NF1: variants seen among roughly 807,000 people sequenced by gnomAD.
NF1 encodes neurofibromin.
Under a neutral mutation model 325.7 loss-of-function variants are expected in NF1, and 122 were observed. That is an observed-to-expected ratio of 0.37 (90% CI 0.32 to 0.44). The LOEUF (loss-of-function observed/expected upper bound fraction) is 0.44, where lower values mean the gene tolerates loss of function less well. Ranked by LOEUF, NF1 falls within the 20% of genes least tolerant of loss-of-function variation. The pLI, the probability that NF1 is intolerant of heterozygous loss-of-function variation, is 1.00. For synonymous variants in NF1, 1,091 were observed against 1,186.0 expected, an observed-to-expected ratio of 0.92 and a Z score of 1.65; for missense variants, 2,140 against 3,415.4, an observed-to-expected ratio of 0.63 and a Z score of 9.31.
intron 36 of NF1, among the ~76,000 whole-genome samples, chr17:31,288,688 C>T (rs1014362731): frequency 1.3e-5 from 2 of 151,832 alleles, no homozygotes; most frequent in Admixed American, 1.3e-4. Flanking sequence ...AGGTGCCTGC[C>T]CAGCTAATTT....
intron 1 of NF1, among the ~76,000 whole-genome samples, chr17:31,117,614 A>C (rs968431187): frequency 2.1e-4 from 29 of 134,954 alleles, no homozygotes; most frequent in African/African-American, 6.3e-4. Flanking sequence ...CGGAGCTTGC[A>C]GTGAGCCAAG....
intron 17 of NF1, among the ~76,000 whole-genome samples, chr17:31,225,521 T>TA (rs1008309560): frequency 1.3e-5 from 2 of 152,168 alleles, no homozygotes; most frequent in Non-Finnish European, 2.9e-5. Flanking sequence ...ACTTGACACT[T>TA]ACAAGCTATA....
At chr17:31,241,475 A>G (rs960000472) in intron 29 of NF1, among the ~76,000 whole-genome samples, 1 of 151,978 alleles carries the variant, frequency 6.6e-6, no homozygotes, top group Admixed American at 6.6e-5. Context: ...CACAGATGAT[A>G]TGTGTTAATT....
At chr17:31,230,198 T>G (rs1567849713) in intron 22 of NF1, 62 bp from the exon 23 acceptor site, 1 of 1,571,156 alleles carries the variant, frequency 6.4e-7, no homozygotes, top group Non-Finnish European at 8.7e-7. Flanking sequence ...ACTAAAGTAT[T>G]TAGAATGCCT....
chr17:31,261,878 A>T (rs1293856873), intron 35 of NF1, 21 bp downstream of exon 35: 1 of 1,612,220 alleles, frequency 6.2e-7, no homozygotes, highest in Non-Finnish European at 8.5e-7. Context: ...ACCTTGAAAT[A>T]GTTGATTGCT....
intron 33 of NF1, 84 bp from the exon 34 acceptor site, chr17:31,260,284 CA>C: frequency 7.2e-7 from 1 of 1,396,176 alleles, no homozygotes; most frequent in Non-Finnish European, 1.0e-6. Context: ...AGTTACTTCA[CA>C]AAGTTACTTC....
At chr17:31,271,710 A>T in intron 36 of NF1, among the ~76,000 whole-genome samples, 1 of 152,134 alleles carries the variant, frequency 6.6e-6, no homozygotes, top group Non-Finnish European at 1.5e-5. Flanking sequence ...AGGTCATGCC[A>T]TTGCACTCCA....
intron 31 of NF1, chr17:31,253,824 T>G (rs139140471): frequency 6.6e-6 from 1 of 152,354 alleles, no homozygotes; most frequent in East Asian, 1.9e-4. Context: ...CTTATCAGGC[T>G]GAGCCCTGTC....
chr17:31,331,113 T>C (rs1490241539), intron 39 of NF1: 2 of 152,182 alleles, frequency 1.3e-5, no homozygotes, highest in South Asian at 2.1e-4. Flanking sequence ...CCCTGTAATA[T>C]ATAAAACTTT....
chr17:31,187,459 G>A (rs2066262571), intron 8 of NF1, among the ~76,000 whole-genome samples: 1 of 152,128 alleles, frequency 6.6e-6, no homozygotes, highest in African/African-American at 2.4e-5. Context: ...GCCTCCCAAA[G>A]TCTAGGATTA....
At chr17:31,199,929 G>A (rs1056359332) in intron 8 of NF1, among the ~76,000 whole-genome samples, 1 of 151,980 alleles carries the variant, frequency 6.6e-6, no homozygotes, top group African/African-American at 2.4e-5. Context: ...TGAGCCCAGG[G>A]GTTCAAGACC....
chr17:31,199,724 T>C (rs2952991), intron 8 of NF1, among the ~76,000 whole-genome samples: 83,926 of 152,042 alleles, frequency 0.55, 26,329 homozygotes, highest in Middle Eastern at 0.76. Context: ...TTTAGAAGGC[T>C]GAAGGTTGAA....
chr17:31,314,155 C>A, intron 36 of NF1: 1 of 395,080 alleles, frequency 2.5e-6, no homozygotes, highest in Non-Finnish European at 4.5e-6. Context: ...TCCGGAAGTG[C>A]AATAAACCAC....
At chr17:31,177,954 TAGC>T (rs2066053949) in intron 5 of NF1, among the ~76,000 whole-genome samples, 1 of 152,096 alleles carries the variant, frequency 6.6e-6, no homozygotes, top group Non-Finnish European at 1.5e-5. Flanking sequence ...TTCAGGATAT[TAGC>T]AGGAGAACTT....
At chr17:31,333,591 G>A (rs1314622154) in intron 39 of NF1, among the ~76,000 whole-genome samples, 1 of 152,248 alleles carries the variant, frequency 6.6e-6, no homozygotes, top group East Asian at 1.9e-4. Flanking sequence ...GCAAAAAAAT[G>A]AACAGGCCAA....
chr17:31,103,383 C>T (rs1912541017), intron 1 of NF1, among the ~76,000 whole-genome samples: 1 of 152,160 alleles, frequency 6.6e-6, no homozygotes, highest in East Asian at 1.9e-4. Flanking sequence ...GCTGGGATTA[C>T]AGGCGTGTGC....
intron 5 of NF1, among the ~76,000 whole-genome samples, chr17:31,176,384 T>A (rs945551050): frequency 2.6e-5 from 4 of 152,216 alleles, no homozygotes; most frequent in African/African-American, 9.6e-5. Flanking sequence ...TAAATTTAAG[T>A]TCTTTGTAGG....
Position 31,365,552 on chromosome 17 carries a change from A to AT in NF1, c.8377+4857dup, listed in dbSNP as rs200708240. Among the ~76,000 whole-genome samples the AT allele has an allele frequency of 3.4e-3, 518 of 151,930 alleles. 3 individuals carry two copies. The highest frequency in any genetic ancestry group is 0.011 in the African/African-American group (466 of 41,446). Reference sequence around the variant, plus strand: ...GTTTAACAAATTCTAAGTGTGCACTATTTTTTTTATTTTAAATACAAGATT... The same window carrying AT: ...GTTTAACAAATTCTAAGTGTGCACTATTTTTTTTTATTTTAAATACAAGATT... On this transcript the variant is annotated intron_variant, in intron 57 of 57. Coordinates refer to ENST00000358273, the MANE Select transcript of NF1 (RefSeq NM_001042492.3).
chr17:31,157,531 G>A (rs2065685088), intron 2 of NF1, among the ~76,000 whole-genome samples: 1 of 151,968 alleles, frequency 6.6e-6, no homozygotes, highest in Non-Finnish European at 1.5e-5. Context: ...ACATGTTTAT[G>A]GGTACATATT....
Sources: gnomAD v4.1 joint callset for allele counts (sites outside exome capture counted in the v4.1 genomes callset) on GRCh38, gnomAD v4.1.1 for gene constraint, MANE v1.5 for transcripts, NCBI Gene and HGNC (gene_info 2026-07-23, HGNC 2026-07-21) for gene names.